The following TUBGCP3 variants were observed in gnomAD, a reference collection of about 807,000 sequenced individuals.
TUBGCP3 encodes the protein tubulin gamma complex component 3.
A neutral mutation model predicts 123.1 loss-of-function variants in TUBGCP3; 50 were observed. That is an observed-to-expected ratio of 0.41 (90% confidence interval 0.32 to 0.51). The LOEUF is 0.51. Among genes scored for constraint, TUBGCP3 ranks in the 20% least tolerant of loss-of-function variants. TUBGCP3 has a pLI of 0.36. For missense variants in TUBGCP3, 882 were observed against 1,127.0 expected (o/e 0.78, Z 3.11); for synonymous variants, 405 against 413.9 (o/e 0.98, Z 0.26).
At chr13:112,601,003 C>T in the TUBGCP3 span, among the ~76,000 whole-genome samples, 3 of 152,068 alleles carry the variant, frequency 2.0e-5, no homozygotes, top group African/African-American at 7.3e-5. Context: ...GCCTGGCCAA[C>T]ATGGCGAAAC....
chr13:112,602,103 G>A, the TUBGCP3 span, among the ~76,000 whole-genome samples: 1 of 152,188 alleles, frequency 6.6e-6, no homozygotes, highest in Non-Finnish European at 1.5e-5. Flanking sequence ...CATGGTCGGG[G>A]GAGACCAGTG....
At chr13:112,495,456 A>C (rs1019706937) in intron 20 of TUBGCP3, among the ~76,000 whole-genome samples, 2 of 152,112 alleles carry the variant, frequency 1.3e-5, no homozygotes, top group Non-Finnish European at 2.9e-5. Flanking sequence ...ATTCATGCAA[A>C]CCTTTTTAAT....
Position 112,545,470 on chromosome 13 carries a change from G to A in TUBGCP3, c.1335+229C>T, listed in dbSNP as rs1479947557. ...GGACGAGTGATTCCACCTTGCTGAG[G>A]AATAAACTGGGACAATTCTCCACTA... On this transcript the variant is annotated intron_variant, in intron 11 of 21. Coordinates refer to ENST00000261965, the MANE Select transcript of TUBGCP3 (RefSeq NM_006322.6). The surrounding 1 kb of genome is among the most constrained non-coding windows in gnomAD (Gnocchi z 4.1). 2.1e-6 allele frequency: 1 copy of A among 478,544 alleles called. No homozygotes were observed. The highest frequency in any genetic ancestry group is 3.6e-5 in the South Asian group (1 of 27,942). 29.6% of individuals were successfully genotyped at this position (478,544 alleles called of 1,614,324 possible). A position where few individuals can be genotyped will look rare whatever the true frequency, so the allele number is the denominator to read the frequency against.
intron 8 of TUBGCP3, among the ~76,000 whole-genome samples, chr13:112,551,058 C>T (rs1167966273): frequency 6.6e-6 from 1 of 151,956 alleles, no homozygotes; most frequent in African/African-American, 2.4e-5. Context: ...GAGATCGCGC[C>T]ACTGCACTCC....
At position 112,489,706 on chromosome 13, in the gene TUBGCP3, T is replaced by G. The variant is rs375743507; in HGVS notation, c.2449-9A>C. The G allele has an allele frequency of 8.5e-5, 136 of 1,604,560 alleles. No homozygotes were observed. Among genetic ancestry groups the G allele is most frequent in the Admixed American group, 3.3e-4 (20 of 59,978 alleles). On this transcript the variant is annotated splice_polypyrimidine_tract_variant and intron_variant, in intron 20 of 21. Coordinates refer to ENST00000261965, the MANE Select transcript of TUBGCP3 (RefSeq NM_006322.6). ...GTCACTCCCCACTGGCCCTGAACAA[T>G]CAAAAGTACCAAATGTCAGTAAAAT...
At chr13:112,522,063 CCA>C (rs1276473354) in intron 14 of TUBGCP3, among the ~76,000 whole-genome samples, 5 of 151,982 alleles carry the variant, frequency 3.3e-5, no homozygotes, top group African/African-American at 9.7e-5. Context: ...ACTGTAAGCC[CCA>C]CAGTTTTGGA....
chr13:112,554,292 G>T, intron 7 of TUBGCP3, 110 bp from the exon 8 acceptor site: 1 of 1,302,220 alleles, frequency 7.7e-7, no homozygotes, highest in Non-Finnish European at 1.0e-6. Flanking sequence ...TAGGCTTCAA[G>T]ACATAAAAGT....
intron 11 of TUBGCP3, among the ~76,000 whole-genome samples, chr13:112,531,028 T>G (rs1204347727): frequency 6.6e-6 from 1 of 152,242 alleles, no homozygotes; most frequent in Non-Finnish European, 1.5e-5. Flanking sequence ...GTTTTTTAAA[T>G]AACGTCATTT....
intron 14 of TUBGCP3, among the ~76,000 whole-genome samples, chr13:112,520,710 G>A (rs1876547806): frequency 6.6e-6 from 1 of 152,122 alleles, no homozygotes; most frequent in African/African-American, 2.4e-5. Context: ...AAGCAATTAG[G>A]TACATGGATG....
chr13:112,604,456 C>G, the TUBGCP3 span: 3 of 152,216 alleles, frequency 2.0e-5, no homozygotes, highest in Non-Finnish European at 2.9e-5. Flanking sequence ...TGCCACCATA[C>G]CCAGCTCATG....
rs1035407368 is a variant in TUBGCP3, at chr13:112,526,970, C to A, written c.1527G>T (p.Val509=). 5 of 1,614,036 alleles carry A rather than the reference C, an allele frequency of 3.1e-6. No homozygotes were observed. Among genetic ancestry groups the A allele is most frequent in the African/African-American group, 1.3e-5 (1 of 74,942 alleles). ...CCTGGGGTGACTCTGCAGACTTGGT[C>A]ACAGCTATCATCTTTGTAGTGGGAG... The part of the protein sequence containing the change: ...DQTPTTKMIA[V]TKSAESPQDA... The change falls in exon 13 of 22, where the codon GTG becomes GTT. Residue 509 remains valine, a synonymous_variant. Coordinates refer to ENST00000261965, the MANE Select transcript of TUBGCP3 (RefSeq NM_006322.6).
chr13:112,561,792 C>T (rs1880530415), intron 3 of TUBGCP3, among the ~76,000 whole-genome samples: 1 of 152,068 alleles, frequency 6.6e-6, no homozygotes, highest in Admixed American at 6.5e-5. Flanking sequence ...CACTAAGAAA[C>T]CGCTAGGTTA....
At chr13:112,517,735 AC>A (rs1408414546) in intron 16 of TUBGCP3, among the ~76,000 whole-genome samples, 2 of 152,134 alleles carry the variant, frequency 1.3e-5, no homozygotes, top group Non-Finnish European at 2.9e-5. Context: ...TACTAAAAAT[AC>A]AAAAATTAGC....
At chr13:112,542,916 G>C (rs1878645124) in intron 11 of TUBGCP3, among the ~76,000 whole-genome samples, 2 of 152,180 alleles carry the variant, frequency 1.3e-5, no homozygotes, top group Admixed American at 1.3e-4. Flanking sequence ...GAGAGGCCAA[G>C]GTGGGCGGAT....
intron 20 of TUBGCP3, 106 bp from the exon 21 acceptor site, chr13:112,489,803 T>C (rs1879951895): frequency 1.2e-6 from 1 of 856,856 alleles, no homozygotes; most frequent in Non-Finnish European, 2.0e-6. Flanking sequence ...CTGCTTTTTA[T>C]GCCTCTCTGT....
At chr13:112,569,443 CA>C (rs1220286113) in intron 1 of TUBGCP3, among the ~76,000 whole-genome samples, 184 bp from the exon 2 acceptor site, 1 of 151,898 alleles carries the variant, frequency 6.6e-6, no homozygotes, top group Non-Finnish European at 1.5e-5. Flanking sequence ...AATAAGAGTT[CA>C]ATAAAATAAG....
rs970269938 is a variant in TUBGCP3, at chr13:112,508,392, A to C, written c.2087-3678T>G. On this transcript the variant is annotated intron_variant, in intron 17 of 21. Coordinates refer to ENST00000261965, the MANE Select transcript of TUBGCP3 (RefSeq NM_006322.6). The surrounding 1 kb of genome is among the most constrained non-coding windows in gnomAD (Gnocchi z 4.2). ...TGATTTTGCCCAACTCTTCTGTAGT[A>C]TATCTTTAAATTTTCAGATGCCATA... Among the ~76,000 whole-genome samples, 2 of 152,148 alleles carry C rather than the reference A, an allele frequency of 1.3e-5. No homozygotes were observed. The highest frequency in any genetic ancestry group is 4.8e-5 in the African/African-American group (2 of 41,438).
Position 112,587,889 on chromosome 13 carries a change from C to G in TUBGCP3, c.76+16G>C. The G allele has an allele frequency of 6.3e-7, 1 of 1,585,000 alleles. No individual in the cohort carries two copies. Among genetic ancestry groups the G allele is most frequent in the Non-Finnish European group, 8.6e-7 (1 of 1,167,916 alleles). ...CGGGACGGGTCTGCGGGCTTCGCGT[C>G]GCCCGGCCACTCTACCTTCGCTCCT... On this transcript the variant is annotated intron_variant, in intron 1 of 21. Transcript: ENST00000261965.
In TUBGCP3 at chr13:112,527,125, G is replaced by C. The variant is rs1016114054; in HGVS notation, c.1447-75C>G. The C allele has an allele frequency of 1.7e-5, 21 of 1,271,714 alleles. No individual in the cohort carries two copies. The African/African-American group carries it at 2.7e-4, about 16-fold the overall frequency. 78.8% of individuals were successfully genotyped at this position (1,271,714 alleles called of 1,614,324 possible). On this transcript the variant is annotated intron_variant, in intron 12 of 21. Coordinates refer to ENST00000261965, the MANE Select transcript of TUBGCP3 (RefSeq NM_006322.6). Reference sequence around the variant, plus strand: ...TGCCCAAATCTACAAATATTCGTAAGCTACAAATTGGCTATTGATTGAAAA... The same window carrying C: ...TGCCCAAATCTACAAATATTCGTAACCTACAAATTGGCTATTGATTGAAAA...
Sources: allele counts gnomAD v4.1 joint callset (sites outside exome capture counted in the v4.1 genomes callset), GRCh38; gene constraint gnomAD v4.1.1; non-coding constraint Gnocchi (gnomAD v3.1); transcripts MANE v1.5; gene names NCBI Gene and HGNC (gene_info 2026-07-23, HGNC 2026-07-21).